The following ROBO1 variants were observed in gnomAD, a reference collection of about 807,000 sequenced individuals.
ROBO1 encodes roundabout homolog 1.
In ROBO1, 149 loss-of-function variants were observed where a neutral mutation model predicts 195.9. The observed-to-expected ratio is 0.76, with a 90% CI of 0.67 to 0.87. The LOEUF is 0.87. Ranked by LOEUF, ROBO1 falls within the 40% of genes least tolerant of loss-of-function variation. The probability of loss-of-function intolerance (pLI) is 0.00; values close to 1 mark genes in which losing one functional copy is unlikely to be tolerated. For missense variants in ROBO1, 1,933 were observed against 2,068.3 expected (o/e 0.93, Z 1.27); for synonymous variants, 816 against 733.2 (o/e 1.11, Z -1.82).
intron 2 of ROBO1, among the ~76,000 whole-genome samples, chr3:79,128,431 G>A (rs773786443): frequency 9.9e-5 from 15 of 152,250 alleles, no homozygotes; most frequent in Non-Finnish European, 1.9e-4. Context: ...AGATAAATTA[G>A]TAAAGAGATG....
chr3:78,606,160 G>C (rs953051978), intron 29 of ROBO1, among the ~76,000 whole-genome samples: 27 of 152,184 alleles, frequency 1.8e-4, no homozygotes, highest in African/African-American at 5.5e-4. Flanking sequence ...CTTCAGAATA[G>C]TATCCCTGGC....
chr3:79,136,978 G>A (rs1291878505), intron 2 of ROBO1, among the ~76,000 whole-genome samples: 1 of 151,966 alleles, frequency 6.6e-6, no homozygotes, highest in Non-Finnish European at 1.5e-5. Context: ...TTAAAAAATT[G>A]CCACTAAATA....
At chr3:78,645,407 G>T (rs961612159) in intron 21 of ROBO1, among the ~76,000 whole-genome samples, 25 of 148,092 alleles carry the variant, frequency 1.7e-4, no homozygotes, top group African/African-American at 6.0e-4. Flanking sequence ...TTGGTTGGAA[G>T]ATTTTTTTTT....
intron 3 of ROBO1, among the ~76,000 whole-genome samples, chr3:79,102,401 A>G (rs2079694643): frequency 6.6e-6 from 1 of 151,792 alleles, no homozygotes; most frequent in Non-Finnish European, 1.5e-5. Context: ...TGAGAGTCCA[A>G]GGTTTTCAAT....
intron 3 of ROBO1, among the ~76,000 whole-genome samples, chr3:79,051,418 G>A (rs964400464): frequency 1.3e-5 from 2 of 152,092 alleles, no homozygotes; most frequent in African/African-American, 4.8e-5. Context: ...ATAATTAATA[G>A]CATACCAACC....
intron 2 of ROBO1, among the ~76,000 whole-genome samples, chr3:79,133,454 C>G (rs1281323485): frequency 8.3e-6 from 1 of 120,048 alleles, no homozygotes; most frequent in African/African-American, 3.3e-5. Flanking sequence ...TTGCTGATAC[C>G]CTTTCTTCCA....
intron 2 of ROBO1, among the ~76,000 whole-genome samples, chr3:79,433,739 GC>G (rs1256276477): frequency 3.3e-5 from 5 of 152,152 alleles, no homozygotes; most frequent in Admixed American, 3.3e-4. Flanking sequence ...AGCCCACATT[GC>G]CAAGACAACC....
At chr3:79,392,990 T>G (rs2037011773) in intron 2 of ROBO1, among the ~76,000 whole-genome samples, 1 of 152,184 alleles carries the variant, frequency 6.6e-6, no homozygotes, top group South Asian at 2.1e-4. Flanking sequence ...CTTTGAAACA[T>G]AATCCACTCC....
At chr3:78,870,264 C>G (rs927026069) in intron 4 of ROBO1, among the ~76,000 whole-genome samples, 1 of 152,140 alleles carries the variant, frequency 6.6e-6, no homozygotes, top group Non-Finnish European at 1.5e-5. Context: ...CTAAAAGTGA[C>G]AGAATACCGT....
At chr3:79,707,646 C>T (rs566421307) in intron 1 of ROBO1, among the ~76,000 whole-genome samples, 5 of 152,168 alleles carry the variant, frequency 3.3e-5, no homozygotes, top group Admixed American at 2.6e-4. Flanking sequence ...GTAGCTGGGA[C>T]TACAGGCACA....
At chr3:78,665,126 C>T (rs764034496) in intron 14 of ROBO1, among the ~76,000 whole-genome samples, 1 of 152,184 alleles carries the variant, frequency 6.6e-6, no homozygotes, top group Admixed American at 6.5e-5. Flanking sequence ...CATGCGGCCT[C>T]ATCGACTATC....
intron 3 of ROBO1, among the ~76,000 whole-genome samples, chr3:79,095,265 A>G (rs1034085359): frequency 6.6e-6 from 1 of 152,052 alleles, no homozygotes; most frequent in Non-Finnish European, 1.5e-5. Context: ...AAGTAGTGAC[A>G]TATTTCTTAC....
chr3:79,151,753 T>G (rs2080775549), intron 2 of ROBO1, among the ~76,000 whole-genome samples: 2 of 151,830 alleles, frequency 1.3e-5, no homozygotes, highest in Non-Finnish European at 2.9e-5. Flanking sequence ...GTGCTGGTTT[T>G]TCTCTTCAAA....
chr3:78,782,537 G>C (rs2083710275), intron 4 of ROBO1, among the ~76,000 whole-genome samples: 1 of 152,016 alleles, frequency 6.6e-6, no homozygotes, highest in Admixed American at 6.6e-5. Context: ...AGCACCTTTA[G>C]TTTCTCTTCA....
At chr3:79,421,454 G>A (rs1202435574) in intron 2 of ROBO1, among the ~76,000 whole-genome samples, 1 of 152,046 alleles carries the variant, frequency 6.6e-6, no homozygotes, top group Non-Finnish European at 1.5e-5. Flanking sequence ...TGCCACAAAA[G>A]GAATCTGTCA....
rs1200148231 is a variant in ROBO1, at chr3:79,550,168, GAAGA to G, written c.88+39652_88+39655del. Among the ~76,000 whole-genome samples the G allele has an allele frequency of 9.4e-4, 91 of 96,908 alleles. 3 individuals carry two copies. Among genetic ancestry groups the G allele is most frequent in the Middle Eastern group, 5.0e-3 (1 of 202 alleles). The allele number at this position is 96,908 out of a possible 152,430, so 63.6% of individuals were successfully genotyped here. On this transcript the variant is annotated intron_variant, in intron 2 of 30. Coordinates refer to ENST00000464233, the MANE Select transcript of ROBO1 (RefSeq NM_002941.4). ...AAAAGAAAGGAAGAAAGAAAGAAAGGAAGAAAGAAAGAAAGAAAGAAAGAAAGGA... is the reference window on the plus strand; with the variant it reads ...AAAAGAAAGGAAGAAAGAAAGAAAGGAAGAAAGAAAGAAAGAAAGAAAGGA...
intron 3 of ROBO1, among the ~76,000 whole-genome samples, chr3:78,959,823 CACAACATTTCAGCAATGATAA>C (rs1560050314): frequency 1.4e-4 from 22 of 152,248 alleles, no homozygotes; most frequent in African/African-American, 5.3e-4. Flanking sequence ...ACACAGATAG[CACAACATTTCAGCAATGATAA>C]ATTCCTTGAT....
At chr3:78,966,728 G>C (rs536697011) in intron 3 of ROBO1, among the ~76,000 whole-genome samples, 1 of 152,132 alleles carries the variant, frequency 6.6e-6, no homozygotes, top group Non-Finnish European at 1.5e-5. Flanking sequence ...CATCTCCTTA[G>C]AAATGACTGG....
Position 78,627,779 on chromosome 3 carries a change from C to A in ROBO1, c.3627-210G>T, listed in dbSNP as rs572052108. Reference sequence around the variant, plus strand: ...TCTAAGGGATTGTAATTGACATTAGCATGTTATAGGGTCTTAGAAGTCATG... The same window carrying A: ...TCTAAGGGATTGTAATTGACATTAGAATGTTATAGGGTCTTAGAAGTCATG... On this transcript the variant is annotated intron_variant, in intron 25 of 30. Coordinates refer to ENST00000464233, the MANE Select transcript of ROBO1 (RefSeq NM_002941.4). Among the ~76,000 whole-genome samples, 91 of 152,136 alleles carry A rather than the reference C, an allele frequency of 6.0e-4. 1 individual carries two copies. Among genetic ancestry groups the A allele is most frequent in the Admixed American group, 1.4e-3 (22 of 15,284 alleles).
Sources: gnomAD v4.1 joint callset for allele counts (sites outside exome capture counted in the v4.1 genomes callset) on GRCh38, gnomAD v4.1.1 for gene constraint, MANE v1.5 for transcripts, NCBI Gene and HGNC (gene_info 2026-07-23, HGNC 2026-07-21) for gene names.